The following ARMCX4 variants were observed in gnomAD, a reference collection of about 807,000 sequenced individuals.
The protein encoded by ARMCX4 is armadillo repeat-containing X-linked protein 4.
Under a neutral mutation model 34.7 loss-of-function variants are expected in ARMCX4, and 3 were observed. The observed-to-expected ratio is 0.09, with a 90% confidence interval of 0.04 to 0.22. The LOEUF is 0.22. Ranked by LOEUF, ARMCX4 falls within the 10% of genes least tolerant of loss-of-function variation. ARMCX4 has a pLI of 1.00. For synonymous variants in ARMCX4, 513 were observed against 632.8 expected (o/e 0.81, Z 2.84); for missense variants, 1,448 against 1,720.8 (o/e 0.84, Z 2.81).
At chrX:101,469,195 A>G (rs1285656866) in intron 4 of ARMCX4, among the ~76,000 whole-genome samples, 1 of 112,587 alleles carries the variant, frequency 8.9e-6, no homozygotes, top group Non-Finnish European at 1.9e-5. Flanking sequence ...AATCTGCAAC[A>G]TTGTTATACC....
chrX:101,423,392 C>A (rs991119991), intron 2 of ARMCX4, among the ~76,000 whole-genome samples: 1 of 107,166 alleles, frequency 9.3e-6, no homozygotes, highest in Non-Finnish European at 1.9e-5. Context: ...CCGAGGTGGG[C>A]GGATCACCAG....
chrX:101,425,581 A>G (rs1293299863), intron 2 of ARMCX4, among the ~76,000 whole-genome samples: 2 of 109,244 alleles, frequency 1.8e-5, no homozygotes, highest in East Asian at 5.8e-4. Context: ...TTTTAGTAGA[A>G]ACGGGGTTTC....
Position 101,492,605 on chromosome X carries a change from G to A in ARMCX4, c.4016G>A (p.Gly1339Glu). The change falls in exon 6 of 6, where the codon GGG becomes GAG. Residue 1339 changes from glycine (G) to glutamate (E), a missense_variant. Gly to Glu is a moderately conservative substitution (Grantham distance 98, BLOSUM62 -2). Coordinates refer to ENST00000423738, the MANE Select transcript of ARMCX4 (RefSeq NM_001256155.3). ...GGGGCTGGTGGCCAGGCTAGTGGAG[G>A]GTCAATGTTGGGGCCTGAGGACCAG... ...WAGAGGQASG[G>E]SMLGPEDQSS... is the part of the protein sequence containing the mutation. The A allele has an allele frequency of 1.8e-6, 2 of 1,128,055 alleles. No homozygotes were observed. Among genetic ancestry groups the A allele is most frequent in the Non-Finnish European group, 2.3e-6 (2 of 858,646 alleles). 93.0% of individuals were successfully genotyped at this position (1,128,055 alleles called of 1,213,427 possible). A position where few individuals can be genotyped will look rare whatever the true frequency, so the allele number is the denominator to read the frequency against.
intron 7 of ARMCX4, among the ~76,000 whole-genome samples, chrX:101,502,468 G>A (rs782475097): frequency 8.9e-6 from 1 of 111,882 alleles, no homozygotes; most frequent in East Asian, 2.8e-4. Context: ...TCAAACTCCT[G>A]GGCTTGAGGG....
At chrX:101,435,805 T>G (rs1347566933) in intron 2 of ARMCX4, among the ~76,000 whole-genome samples, 3 of 110,840 alleles carry the variant, frequency 2.7e-5, no homozygotes, top group Non-Finnish European at 5.7e-5. Flanking sequence ...TAATCCATCT[T>G]GAATTAATTT....
chrX:101,487,347 G>C (rs1194648479), intron 3 of ARMCX4, 75 bp downstream of exon 3: 2 of 153,761 alleles, frequency 1.3e-5, no homozygotes, highest in Non-Finnish European at 2.5e-5. Flanking sequence ...GATTTAAGAG[G>C]GTCTCAGTGG....
At chrX:101,532,895 C>T (rs1410831598) in intron 12 of ARMCX4, 1 of 111,333 alleles carries the variant, frequency 9.0e-6, no homozygotes, top group African/African-American at 3.3e-5. Context: ...TAGCATTATC[C>T]CGTGACAGTA....
chrX:101,428,935 G>A (rs1033333142), intron 2 of ARMCX4, among the ~76,000 whole-genome samples: 1 of 96,179 alleles, frequency 1.0e-5, no homozygotes, highest in Admixed American at 1.2e-4. Flanking sequence ...GCAGTGGTGT[G>A]ATCACAGCTC....
intron 2 of ARMCX4, among the ~76,000 whole-genome samples, chrX:101,435,099 C>T (rs1930622715): frequency 2.7e-5 from 3 of 111,468 alleles, no homozygotes; most frequent in African/African-American, 9.8e-5. Context: ...AGTAAACATA[C>T]GTGTGCATGT....
At chrX:101,432,780 A>ATG (rs1930176863) in intron 2 of ARMCX4, among the ~76,000 whole-genome samples, 1 of 69,203 alleles carries the variant, frequency 1.4e-5, no homozygotes, top group African/African-American at 3.9e-5. Context: ...GTATACATAT[A>ATG]TGTATATACA....
chrX:101,430,961 G>A (rs782788961), intron 2 of ARMCX4, among the ~76,000 whole-genome samples: 1 of 111,052 alleles, frequency 9.0e-6, no homozygotes, highest in Admixed American at 9.6e-5. Flanking sequence ...CCAATTCATG[G>A]GATCCTGGGA....
intron 11 of ARMCX4, among the ~76,000 whole-genome samples, chrX:101,512,381 G>T (rs1934598981): frequency 9.0e-6 from 1 of 111,231 alleles, no homozygotes; most frequent in African/African-American, 3.3e-5. Context: ...AAGAAAAAAA[G>T]AAAACAAAAA....
chrX:101,452,411 C>G (rs1371204588), downstream of ARMCX4, among the ~76,000 whole-genome samples: 1 of 112,372 alleles, frequency 8.9e-6, no homozygotes, highest in Non-Finnish European at 1.9e-5. Context: ...CCCTTCAGAA[C>G]AACTCATTAT....
Position 101,489,317 on chromosome X carries a change from T to G in ARMCX4, c.728T>G (p.Val243Gly), listed in dbSNP as rs1556007868. The change falls in exon 6 of 6, where the codon GTG (valine) becomes GGG (glycine). Residue 243 changes from valine to glycine, a missense_variant. By Grantham distance (109) the Val-to-Gly change is moderately radical (BLOSUM62 -3). Around this residue, in one of 2 missense-constraint regions of ARMCX4, gnomAD observed 1,343 missense variants for 1,540.7 expected, o/e 0.87. Transcript: ENST00000423738. ...ETKTRALEETVSVAKTQSEAR... is the reference protein window; with the variant it reads ...ETKTRALEETGSVAKTQSEAR... ...AAGACAAGAGCTCTGGAAGAGACTGTGAGTGTGGCTAAGACTCAGTCTGAG... is the reference window on the plus strand; with the variant it reads ...AAGACAAGAGCTCTGGAAGAGACTGGGAGTGTGGCTAAGACTCAGTCTGAG... The G allele has an allele frequency of 8.7e-7, 1 of 1,154,875 alleles. No individual in the cohort carries two copies. Among genetic ancestry groups the G allele is most frequent in the Non-Finnish European group, 1.1e-6 (1 of 872,319 alleles).
rs1475391898 is a variant in ARMCX4 at position 101,491,161 on chromosome X, G to A, written c.2572G>A (p.Ala858Thr). The A allele has an allele frequency of 2.6e-6, 3 of 1,155,377 alleles. No individual in the cohort carries two copies. The East Asian group carries it at 9.8e-5, about 38-fold the overall frequency. ...VKGNPNVVSK[A>T]GAREDTVGST... is the part of the protein sequence containing the mutation. ...GGGCAATCCCAATGTCGTGTCTAAG[G>A]CAGGGGCCAGAGAAGATACAGTGGG... The change falls in exon 6 of 6, where the codon GCA becomes ACA. Residue 858 changes from alanine (A) to threonine (T), a missense_variant. Around this residue, in one of 2 missense-constraint regions of ARMCX4, gnomAD observed 1,343 missense variants for 1,540.7 expected, o/e 0.87. Transcript: ENST00000423738.
chrX:101,502,614 G>T (rs1206223282), intron 7 of ARMCX4, among the ~76,000 whole-genome samples: 1 of 111,049 alleles, frequency 9.0e-6, no homozygotes, highest in African/African-American at 3.3e-5. Flanking sequence ...ATCAGGTAGA[G>T]CAGATCCTCT....
chrX:101,504,268 G>A (rs957499601), intron 7 of ARMCX4, among the ~76,000 whole-genome samples: 4 of 111,360 alleles, frequency 3.6e-5, no homozygotes, highest in South Asian at 3.8e-4. Flanking sequence ...TTGGCAATGC[G>A]GGCTCTTTTT....
At chrX:101,423,612 C>T (rs1410114541) in intron 2 of ARMCX4, among the ~76,000 whole-genome samples, 4 of 108,655 alleles carry the variant, frequency 3.7e-5, no homozygotes, top group African/African-American at 1.3e-4. Flanking sequence ...AGTGAAACTC[C>T]GTCTCAAAAA....
chrX:101,493,279 G>A lies in ARMCX4; in HGVS notation c.4690G>A (p.Ala1564Thr), dbSNP rs781989528. ...VSGSCWTGAG[A>T]VDQAGGCSKP... The stretch of plus-strand genomic sequence containing the variant: ...TGGAAGCTGCTGGACTGGGGCTGGG[G>A]CTGTGGATCAGGCTGGTGGTTGTTC... Residue 1564 changes from alanine to threonine, a missense_variant, in exon 6 of 6, where the codon GCT (alanine) becomes ACT (threonine). Ala to Thr is a moderately conservative substitution (Grantham distance 58). Coordinates refer to ENST00000423738, the MANE Select transcript of ARMCX4 (RefSeq NM_001256155.3). The A allele has an allele frequency of 6.9e-6, 8 of 1,156,282 alleles. No homozygotes were observed. The South Asian group carries it at 1.5e-4, about 22-fold the overall frequency.
Sources: allele counts gnomAD v4.1 joint callset (sites outside exome capture counted in the v4.1 genomes callset), GRCh38; gene constraint gnomAD v4.1.1; regional missense constraint gnomAD v4.1.1; transcripts MANE v1.5; gene names NCBI Gene and HGNC (gene_info 2026-07-23, HGNC 2026-07-21).